The following ACER3 variants were observed in gnomAD, a reference collection of about 807,000 sequenced individuals.
ACER3 encodes alkCDase 3.
Under a neutral mutation model 48.9 loss-of-function variants are expected in ACER3, and 16 were observed. That is an observed-to-expected ratio of 0.33 (90% CI 0.22 to 0.50). The LOEUF (loss-of-function observed/expected upper bound fraction) is 0.50, where lower values mean the gene tolerates loss of function less well. Ranked by LOEUF, ACER3 falls within the 20% of genes least tolerant of loss-of-function variation. ACER3 has a pLI of 0.98. For missense variants in ACER3, 227 were observed against 326.0 expected (o/e 0.70, Z 2.34); for synonymous variants, 109 against 107.8 (o/e 1.01, Z -0.07).
intron 7 of ACER3, among the ~76,000 whole-genome samples, chr11:77,010,729 A>T (rs1042518725): frequency 2.6e-5 from 4 of 152,188 alleles, no homozygotes; most frequent in Non-Finnish European, 5.9e-5. Context: ...AGGATTCCAG[A>T]AGTATATAAG....
rs1555025658 is a variant in ACER3 at position 77,025,833 on chromosome 11, A to AGTGGTACAGTGGT, written c.*5507_*5519dup. 1 of 152,242 alleles carries AGTGGTACAGTGGT rather than the reference A, an allele frequency of 6.6e-6. No homozygotes were observed. The highest frequency in any genetic ancestry group is 1.9e-4 in the East Asian group (1 of 5,200). 9.4% of individuals were successfully genotyped at this position (152,242 alleles called of 1,614,324 possible). A position where few individuals can be genotyped will look rare whatever the true frequency, so the allele number is the denominator to read the frequency against. On this transcript the variant is annotated 3_prime_UTR_variant, in exon 11 of 11. Coordinates refer to ENST00000532485, the MANE Select transcript of ACER3 (RefSeq NM_018367.7). ...TCTCCCCTGCTCTAGACTGTCAGCA[A>AGTGGTACAGTGGT]GTGGTACAGTGGTACAGTACAGTGG...
At chr11:76,942,097 A>G (rs984704922) in intron 2 of ACER3, among the ~76,000 whole-genome samples, 9 of 152,016 alleles carry the variant, frequency 5.9e-5, no homozygotes, top group Admixed American at 2.6e-4. Flanking sequence ...TGGATATAAG[A>G]TTATATAGTC....
chr11:77,021,213 G>A lies in ACER3; in HGVS notation c.*886G>A, dbSNP rs1429846895. 2 of 152,188 alleles carry A rather than the reference G, an allele frequency of 1.3e-5. No homozygotes were observed. The highest frequency in any genetic ancestry group is 4.8e-5 in the African/African-American group (2 of 41,452). 9.4% of individuals were successfully genotyped at this position (152,188 alleles called of 1,614,324 possible). A position where few individuals can be genotyped will look rare whatever the true frequency, so the allele number is the denominator to read the frequency against. On this transcript the variant is annotated 3_prime_UTR_variant, in exon 11 of 11. Transcript: ENST00000532485. ...TTGTCAGGGAATGTCATTACACTCT[G>A]ATTTTTAAAATTATGCAGTATTTTC...
chr11:76,948,209 C>G (rs1167853729), intron 2 of ACER3, among the ~76,000 whole-genome samples: 5 of 121,522 alleles, frequency 4.1e-5, no homozygotes, highest in Non-Finnish European at 8.7e-5. Context: ...TTCTGGCTCA[C>G]TCTGTGTGTG....
In ACER3 at chr11:76,974,650, A is replaced by C. The variant is rs909026901; in HGVS notation, c.268-1639A>C. Among the ~76,000 whole-genome samples, 7 of 152,318 alleles carry C rather than the reference A, an allele frequency of 4.6e-5. No individual in the cohort carries two copies. The East Asian group carries it at 1.3e-3, about 29-fold the overall frequency. Reference sequence around the variant, plus strand: ...AGGGGAAGAGGAGAAGCTTAAGTAGAGGAAACAGCACATGCAAAGGTCCTG... The same window carrying C: ...AGGGGAAGAGGAGAAGCTTAAGTAGCGGAAACAGCACATGCAAAGGTCCTG... On this transcript the variant is annotated intron_variant, in intron 3 of 10. Coordinates refer to ENST00000532485, the MANE Select transcript of ACER3 (RefSeq NM_018367.7).
At chr11:77,006,652 C>T (rs1949156102) in intron 7 of ACER3, among the ~76,000 whole-genome samples, 1 of 151,548 alleles carries the variant, frequency 6.6e-6, no homozygotes, top group Non-Finnish European at 1.5e-5. Context: ...TGAAAAATGT[C>T]ATGCCACTTC....
At chr11:76,933,890 A>ACGGGGCGGC (rs1947090396) in intron 2 of ACER3, among the ~76,000 whole-genome samples, 3 of 151,152 alleles carry the variant, frequency 2.0e-5, no homozygotes, top group South Asian at 2.1e-4. Flanking sequence ...CACTTCTCAG[A>ACGGGGCGGC]TGGGGCGGCT....
chr11:76,922,314 A>G (rs1287810028), intron 1 of ACER3, among the ~76,000 whole-genome samples: 1 of 152,126 alleles, frequency 6.6e-6, no homozygotes, highest in Non-Finnish European at 1.5e-5. Context: ...TACTATTGAC[A>G]TTTCAGCTAA....
chr11:76,890,990 G>A (rs1304123045), intron 1 of ACER3, among the ~76,000 whole-genome samples: 5 of 151,736 alleles, frequency 3.3e-5, no homozygotes, highest in South Asian at 2.1e-4. Flanking sequence ...ATGGTGGCAC[G>A]TGCCTGTAGT....
intron 7 of ACER3, among the ~76,000 whole-genome samples, chr11:77,005,203 A>AT (rs1268203139): frequency 6.6e-6 from 1 of 151,758 alleles, no homozygotes; most frequent in African/African-American, 2.4e-5. Context: ...CACCCGGCTA[A>AT]TTTTTTGTAT....
rs533638835 is a variant in ACER3, at chr11:76,934,177, G to A, written c.214+7510G>A. On this transcript the variant is annotated intron_variant, in intron 2 of 10. Coordinates refer to ENST00000532485, the MANE Select transcript of ACER3 (RefSeq NM_018367.7). ...TCACTTCCTAGATGGGATGGCGGCC[G>A]GGCAGAGACGCTCCTCACTTTCCAG... Among the ~76,000 whole-genome samples the A allele has an allele frequency of 3.6e-4, 54 of 151,668 alleles. No homozygotes were observed. The East Asian group carries it at 4.9e-3, about 14-fold the overall frequency.
chr11:77,006,361 A>G (rs1949150581), intron 7 of ACER3, among the ~76,000 whole-genome samples: 3 of 152,138 alleles, frequency 2.0e-5, no homozygotes, highest in Admixed American at 1.3e-4. Flanking sequence ...TAATCATAAT[A>G]CATAGCTTAG....
chr11:76,950,854 G>A (rs1164081972), intron 2 of ACER3, among the ~76,000 whole-genome samples: 2 of 152,094 alleles, frequency 1.3e-5, no homozygotes, highest in Admixed American at 1.3e-4. Flanking sequence ...AGTATGTTTT[G>A]TTGAGAGAAA....
chr11:76,913,203 T>C (rs1467053099), intron 1 of ACER3, among the ~76,000 whole-genome samples: 1 of 152,122 alleles, frequency 6.6e-6, no homozygotes, highest in East Asian at 1.9e-4. Flanking sequence ...TGCTTGTGAT[T>C]TTTGCACATT....
intron 5 of ACER3, among the ~76,000 whole-genome samples, chr11:76,988,342 G>A (rs1266830357): frequency 6.6e-6 from 1 of 152,174 alleles, no homozygotes; most frequent in African/African-American, 2.4e-5. Context: ...TTCTCATGCT[G>A]CTATAAAGAA....
intron 5 of ACER3, among the ~76,000 whole-genome samples, chr11:76,988,336 C>T: frequency 6.6e-6 from 1 of 152,178 alleles, no homozygotes; most frequent in East Asian, 1.9e-4. Flanking sequence ...AGTCCCTTCT[C>T]ATGCTGCTAT....
At chr11:76,911,001 A>C (rs1485765452) in intron 1 of ACER3, among the ~76,000 whole-genome samples, 1 of 152,206 alleles carries the variant, frequency 6.6e-6, no homozygotes, top group Admixed American at 6.5e-5. Context: ...AAAATTGTTT[A>C]TAGTTATTAA....
chr11:76,865,114 G>A (rs1478907187), intron 1 of ACER3, among the ~76,000 whole-genome samples: 3 of 150,492 alleles, frequency 2.0e-5, no homozygotes, highest in Non-Finnish European at 4.4e-5. Context: ...TGGGACTACA[G>A]GCGTGTGCCA....
rs564250317 is a variant in ACER3, at chr11:76,978,187, G to A, written c.320+1846G>A. 1.3e-4 allele frequency among the ~76,000 whole-genome samples: 20 copies of A among 152,280 alleles called. No individual in the cohort carries two copies. In the South Asian group the frequency reaches 3.5e-3, roughly 27 times the overall value. The stretch of plus-strand genomic sequence containing the variant: ...TCCTGGGCAGAAAGGGGCAGTCCCC[G>A]GTGAAGCTCCACCTTCAAGCCGGGG... On this transcript the variant is annotated intron_variant, in intron 4 of 10. Transcript: ENST00000532485.
Sources: allele counts gnomAD v4.1 joint callset (sites outside exome capture counted in the v4.1 genomes callset), GRCh38; gene constraint gnomAD v4.1.1; transcripts MANE v1.5; gene names NCBI Gene and HGNC (gene_info 2026-07-23, HGNC 2026-07-21).